Variants in SLC17A1 observed in about 807,000 individuals in gnomAD.
The protein encoded by SLC17A1 is sodium-dependent phosphate transport protein 1.
Under a neutral mutation model 53.5 loss-of-function variants are expected in SLC17A1, and 51 were observed. That is an observed-to-expected ratio of 0.95 (90% CI 0.76 to 1.20). SLC17A1 has a LOEUF of 1.20. SLC17A1 is among the 50% of genes most tolerant of loss of function. The pLI, the probability that SLC17A1 is intolerant of heterozygous loss-of-function variation, is 0.00. For missense variants in SLC17A1, 538 were observed against 568.2 expected, an observed-to-expected ratio of 0.95 and a Z score of 0.54; for synonymous variants, 179 against 198.8, an observed-to-expected ratio of 0.90 and a Z score of 0.84.
intron 2 of SLC17A1, among the ~76,000 whole-genome samples, chr6:25,828,650 A>G (rs999352836): frequency 6.6e-6 from 1 of 151,972 alleles, no homozygotes; most frequent in Non-Finnish European, 1.5e-5. Flanking sequence ...TATAATTTTC[A>G]TAAGACTATT....
chr6:25,743,765 G>A, the SLC17A1 span, among the ~76,000 whole-genome samples: 4 of 152,150 alleles, frequency 2.6e-5, no homozygotes, highest in Non-Finnish European at 4.4e-5. Context: ...GGAAAATTAG[G>A]TAATGTTTCA....
intron 3 of SLC17A1, among the ~76,000 whole-genome samples, chr6:25,820,563 C>T (rs1483024379): frequency 6.6e-6 from 1 of 152,006 alleles, no homozygotes. Flanking sequence ...GTTAGAGGGC[C>T]TTCTATTGTT....
chr6:25,825,621 CTTTG>C (rs1764713621), intron 3 of SLC17A1, among the ~76,000 whole-genome samples: 1 of 151,634 alleles, frequency 6.6e-6, no homozygotes, highest in Non-Finnish European at 1.5e-5. Context: ...GGTGGCTTTT[CTTTG>C]TTTTTGTTTT....
chr6:25,792,761 A>G (rs983005658), intron 12 of SLC17A1, among the ~76,000 whole-genome samples: 1 of 152,156 alleles, frequency 6.6e-6, no homozygotes, highest in East Asian at 1.9e-4. Flanking sequence ...CTCTTTCTGC[A>G]TAGTTCACAA....
chr6:25,764,190 C>T, the SLC17A1 span, among the ~76,000 whole-genome samples: 1 of 152,178 alleles, frequency 6.6e-6, no homozygotes. Context: ...GGCCTGCCAC[C>T]TTGGGCCAGA....
the SLC17A1 span, chr6:25,732,714 A>C: frequency 7.6e-7 from 1 of 1,324,272 alleles, no homozygotes; most frequent in Admixed American, 1.8e-5. Context: ...AAGGAGCTCG[A>C]CAAGCTGCTG....
intron 12 of SLC17A1, among the ~76,000 whole-genome samples, chr6:25,795,176 A>C (rs906478558): frequency 6.6e-6 from 1 of 152,084 alleles, no homozygotes; most frequent in African/African-American, 2.4e-5. Context: ...AGAATTTAAA[A>C]CCTCCACTGC....
chr6:25,824,094 A>G (rs1689807058), intron 3 of SLC17A1, among the ~76,000 whole-genome samples: 1 of 152,030 alleles, frequency 6.6e-6, no homozygotes, highest in African/African-American at 2.4e-5. Context: ...GTAATTCAAA[A>G]TGAATCATAG....
intron 2 of SLC17A1, 131 bp from the exon 3 acceptor site, chr6:25,826,764 T>G: frequency 4.5e-6 from 2 of 448,884 alleles, no homozygotes; most frequent in Non-Finnish European, 7.7e-6. Flanking sequence ...TTAATGACCT[T>G]TGATAATTAT....
At chr6:25,831,600 G>A (rs1346806156) in intron 1 of SLC17A1, among the ~76,000 whole-genome samples, 2 of 151,750 alleles carry the variant, frequency 1.3e-5, no homozygotes, top group African/African-American at 2.4e-5. Context: ...ATATAAATAC[G>A]TTACAATACT....
chr6:25,752,727 C>T, the SLC17A1 span, among the ~76,000 whole-genome samples: 2 of 152,016 alleles, frequency 1.3e-5, no homozygotes, highest in Non-Finnish European at 2.9e-5. Flanking sequence ...CTGAGGTGGG[C>T]GGATCACAAG....
At chr6:25,757,907 CTGTCTTT>C in the SLC17A1 span, among the ~76,000 whole-genome samples, 5 of 152,202 alleles carry the variant, frequency 3.3e-5, no homozygotes, top group African/African-American at 1.2e-4. Flanking sequence ...GCAGTCCGCC[CTGTCTTT>C]TGGGGTCGTG....
At chr6:25,805,796 C>A (rs951691675) in intron 10 of SLC17A1, among the ~76,000 whole-genome samples, 1 of 152,010 alleles carries the variant, frequency 6.6e-6, no homozygotes, top group African/African-American at 2.4e-5. Context: ...TGGAAACATA[C>A]AACCCTTCTA....
At chr6:25,745,035 A>G in the SLC17A1 span, among the ~76,000 whole-genome samples, 1 of 152,142 alleles carries the variant, frequency 6.6e-6, no homozygotes, top group African/African-American at 2.4e-5. Flanking sequence ...GCACATAACC[A>G]ACTTTTATGT....
chr6:25,812,939 TGGAAG>T lies in SLC17A1; in HGVS notation c.784_788del (p.Leu262SerfsTer8). 1 of 1,614,146 alleles carries T rather than the reference TGGAAG, an allele frequency of 6.2e-7. No homozygotes were observed. Among genetic ancestry groups the T allele is most frequent in the Non-Finnish European group, 8.5e-7 (1 of 1,179,962 alleles). On this transcript the variant is annotated frameshift_variant, in exon 8 of 13. Coordinates refer to ENST00000244527, the MANE Select transcript of SLC17A1 (RefSeq NM_005074.5). LOFTEE classifies it high-confidence loss of function. Reference sequence around the variant, plus strand: ...AACTACCAGTGGAAATAGCCCAGACTGGAAGCGACTTAAGTATAGCCTTGATAGGC... The same window carrying T: ...AACTACCAGTGGAAATAGCCCAGACTCGACTTAAGTATAGCCTTGATAGGC...
chr6:25,769,568 AAAAG>A, the SLC17A1 span, among the ~76,000 whole-genome samples: 6 of 151,926 alleles, frequency 3.9e-5, no homozygotes, highest in Admixed American at 1.3e-4. Flanking sequence ...AAAAAAAAAA[AAAAG>A]AAAGAAAGAA....
chr6:25,815,161 G>A (rs1764304044), intron 6 of SLC17A1, among the ~76,000 whole-genome samples: 1 of 138,764 alleles, frequency 7.2e-6, no homozygotes, highest in Non-Finnish European at 1.5e-5. Flanking sequence ...AATAGAGAAA[G>A]AGAGAAAGAG....
Position 25,827,396 on chromosome 6 carries a change from G to T in SLC17A1, c.35-763C>A, listed in dbSNP as rs990605038. The stretch of plus-strand genomic sequence containing the variant: ...CATATTACTCAGAAATAAAAGGAAA[G>T]AACTACTTATACACAACAATTTGGA... On this transcript the variant is annotated intron_variant, in intron 2 of 12. Coordinates refer to ENST00000244527, the MANE Select transcript of SLC17A1 (RefSeq NM_005074.5). Among the ~76,000 whole-genome samples, 9 of 152,162 alleles carry T rather than the reference G, an allele frequency of 5.9e-5. No individual in the cohort carries two copies. The East Asian group carries it at 1.4e-3, about 23-fold the overall frequency.
chr6:25,759,598 T>C, the SLC17A1 span, among the ~76,000 whole-genome samples: 16 of 152,158 alleles, frequency 1.1e-4, no homozygotes, highest in Admixed American at 1.0e-3. Flanking sequence ...TTTTGTCTGA[T>C]GTAAGAATAG....
Sources: gnomAD v4.1 joint callset for allele counts (sites outside exome capture counted in the v4.1 genomes callset) on GRCh38, gnomAD v4.1.1 for gene constraint, MANE v1.5 for transcripts, NCBI Gene and HGNC (gene_info 2026-07-23, HGNC 2026-07-21) for gene names.